CCDC146: variants seen among roughly 807,000 people sequenced by gnomAD.
CCDC146 encodes coiled-coil domain containing 146.
CCDC146 carries 92 observed loss-of-function variants against 119.3 expected under a neutral mutation model. That is an observed-to-expected ratio of 0.77 (90% CI 0.65 to 0.92). The LOEUF is 0.92. Among genes scored for constraint, CCDC146 ranks in the 40% least tolerant of loss-of-function variants. The pLI is 0.00. For synonymous variants in CCDC146, 372 were observed against 371.8 expected (o/e 1.00, Z -0.01); for missense variants, 1,000 against 1,103.0 (o/e 0.91, Z 1.32).
chr7:77,198,927 G>A, intron 2 of CCDC146: 1 of 516,456 alleles, frequency 1.9e-6, no homozygotes, highest in Non-Finnish European at 3.4e-6. Flanking sequence ...TTGCAAGTAG[G>A]TCTGGCATTA....
chr7:77,236,313 A>T (rs943913508), intron 2 of CCDC146, among the ~76,000 whole-genome samples: 1 of 152,194 alleles, frequency 6.6e-6, no homozygotes, highest in Non-Finnish European at 1.5e-5. Context: ...ATAAAATGGG[A>T]ATAAATAGTA....
intron 2 of CCDC146, chr7:77,199,286 CTA>C (rs755625313): frequency 4.3e-6 from 7 of 1,614,024 alleles, no homozygotes; most frequent in Non-Finnish European, 5.9e-6. Flanking sequence ...ACATAATTTT[CTA>C]TGTTGTTCAT....
At chr7:77,286,531 G>A (rs1032849086) in intron 15 of CCDC146, among the ~76,000 whole-genome samples, 3 of 152,158 alleles carry the variant, frequency 2.0e-5, no homozygotes, top group African/African-American at 4.8e-5. Flanking sequence ...ATCAAGGGCC[G>A]CTTGTGAAAC....
At chr7:77,164,877 C>T (rs1013867920) in intron 1 of CCDC146, among the ~76,000 whole-genome samples, 5 of 152,162 alleles carry the variant, frequency 3.3e-5, no homozygotes, top group Non-Finnish European at 5.9e-5. Flanking sequence ...CATCAAGGAA[C>T]AGCCAATCCA....
At chr7:77,189,869 G>A in intron 2 of CCDC146, among the ~76,000 whole-genome samples, 1 of 152,086 alleles carries the variant, frequency 6.6e-6, no homozygotes, top group East Asian at 1.9e-4. Context: ...TCCACAGACA[G>A]GCCTCTTCTG....
chr7:77,227,462 C>T (rs13222444), intron 2 of CCDC146, among the ~76,000 whole-genome samples: 16,071 of 152,170 alleles, frequency 0.11, 1,106 homozygotes, highest in Non-Finnish European at 0.16. Context: ...CCTGCCACCA[C>T]GCCCGGCTAA....
intron 4 of CCDC146, among the ~76,000 whole-genome samples, chr7:77,244,565 A>G (rs1259496641): frequency 1.3e-5 from 2 of 152,220 alleles, no homozygotes; most frequent in Middle Eastern, 3.2e-3. Context: ...AATTGCCTAC[A>G]GTACTCAGTC....
Position 77,262,245 on chromosome 7 carries a change from T to G in CCDC146, c.1111T>G (p.Leu371Val). 6.2e-7 allele frequency: 1 copy of G among 1,614,082 alleles called. No individual in the cohort carries two copies. Among genetic ancestry groups the G allele is most frequent in the Non-Finnish European group, 8.5e-7 (1 of 1,179,996 alleles). ...AAATTTAAGAAAGATGGAACTGCTC[T>G]TGAAAGTGTCCTGGGATGCACTTAG... ...FRNLRKMELL[L>V]KVSWDALRQT... Residue 371 changes from leucine (L) to valine (V), a missense_variant, in exon 9 of 19, where the codon TTG (leucine) becomes GTG (valine). This residue lies in a region of CCDC146 where 985 missense variants were observed against 1,045.3 expected (regional missense o/e 0.94). Transcript: ENST00000285871.
In CCDC146 at chr7:77,278,779, A is replaced by G; in HGVS notation, c.1468A>G (p.Met490Val). 1 of 1,611,750 alleles carries G rather than the reference A, an allele frequency of 6.2e-7. No homozygotes were observed. The highest frequency in any genetic ancestry group is 8.5e-7 in the Non-Finnish European group (1 of 1,179,128). Reference sequence around the variant, plus strand: ...AAAATACACCAACATTGTTAAAGAAATGAAAGCAAAGGATCTTGAAATCAG... The same window carrying G: ...AAAATACACCAACATTGTTAAAGAAGTGAAAGCAAAGGATCTTGAAATCAG... ...QQKYTNIVKEMKAKDLEIRIH... is the reference protein window; with the variant it reads ...QQKYTNIVKEVKAKDLEIRIH... The change falls in exon 12 of 19, where the codon ATG (methionine) becomes GTG (valine). Residue 490 changes from methionine (M) to valine (V), a missense_variant. Transcript: ENST00000285871.
At chr7:77,137,768 C>G (rs1045179420) in intron 1 of CCDC146, among the ~76,000 whole-genome samples, 3 of 151,918 alleles carry the variant, frequency 2.0e-5, no homozygotes, top group Admixed American at 2.0e-4. Context: ...TTTGAAGAGG[C>G]AAAACACCCA....
intron 2 of CCDC146, among the ~76,000 whole-genome samples, chr7:77,216,043 G>A (rs942159342): frequency 1.7e-4 from 26 of 151,664 alleles, no homozygotes; most frequent in African/African-American, 6.3e-4. Flanking sequence ...CTCATTTTAA[G>A]GTTTATCCTT....
At chr7:77,233,149 C>T (rs1008221398) in intron 2 of CCDC146, among the ~76,000 whole-genome samples, 31 of 149,294 alleles carry the variant, frequency 2.1e-4, no homozygotes, top group Non-Finnish European at 7.4e-5. Context: ...AGTGCAGTGG[C>T]GTGATCTCAG....
At chr7:77,285,008 T>C (rs1793824200) in intron 15 of CCDC146, among the ~76,000 whole-genome samples, 1 of 152,106 alleles carries the variant, frequency 6.6e-6, no homozygotes, top group South Asian at 2.1e-4. Context: ...TCTTCTCCCT[T>C]TTTTGCATCA....
At chr7:77,271,977 C>T (rs552929048) in intron 9 of CCDC146, among the ~76,000 whole-genome samples, 24 of 152,140 alleles carry the variant, frequency 1.6e-4, no homozygotes, top group African/African-American at 5.1e-4. Context: ...TGCCGACACC[C>T]GGGAGCTGAG....
At chr7:77,233,398 A>G (rs910480758) in intron 2 of CCDC146, among the ~76,000 whole-genome samples, 4 of 151,996 alleles carry the variant, frequency 2.6e-5, no homozygotes, top group African/African-American at 9.7e-5. Context: ...GGCCAAATCA[A>G]TGTTTCTTTG....
At chr7:77,240,943 G>GT (rs934428212) in intron 3 of CCDC146, among the ~76,000 whole-genome samples, 4 of 131,720 alleles carry the variant, frequency 3.0e-5, no homozygotes, top group South Asian at 2.5e-4. Flanking sequence ...GTCTTTCCTT[G>GT]TTTTTTTTAA....
chr7:77,230,105 A>G (rs1172222779), intron 2 of CCDC146, among the ~76,000 whole-genome samples: 1 of 152,182 alleles, frequency 6.6e-6, no homozygotes, highest in South Asian at 2.1e-4. Flanking sequence ...AAGTTCATCC[A>G]TGTTACAGCA....
chr7:77,246,087 T>C (rs2150494964), intron 4 of CCDC146, among the ~76,000 whole-genome samples: 1 of 150,804 alleles, frequency 6.6e-6, no homozygotes, highest in Middle Eastern at 3.4e-3. Flanking sequence ...TGACTCTGAC[T>C]CACATTATAG....
At chr7:77,290,771 A>G (rs894727801) in intron 17 of CCDC146, among the ~76,000 whole-genome samples, 1 of 152,258 alleles carries the variant, frequency 6.6e-6, no homozygotes, top group Non-Finnish European at 1.5e-5. Flanking sequence ...CCTACCATTA[A>G]GGAGGCAAAA....
Sources: allele counts gnomAD v4.1 joint callset (sites outside exome capture counted in the v4.1 genomes callset), GRCh38; gene constraint gnomAD v4.1.1; regional missense constraint gnomAD v4.1.1; transcripts MANE v1.5; gene names NCBI Gene and HGNC (gene_info 2026-07-23, HGNC 2026-07-21).